ADGRL2: variants seen among roughly 807,000 people sequenced by gnomAD.
ADGRL2 encodes the protein adhesion G protein-coupled receptor L2.
A neutral mutation model predicts 157.4 loss-of-function variants in ADGRL2; 44 were observed. The ratio of observed to expected loss-of-function variants is 0.28; its 90% CI spans 0.22 to 0.36. The LOEUF is 0.36. ADGRL2 is among the 10% of genes least tolerant of loss of function. The pLI is 1.00. For missense variants in ADGRL2, 1,510 were observed against 1,768.9 expected (o/e 0.85, Z 2.63); for synonymous variants, 585 against 624.7 (o/e 0.94, Z 0.95).
intron 2 of ADGRL2, among the ~76,000 whole-genome samples, chr1:81,885,957 A>G (rs1481937828): frequency 1.3e-5 from 2 of 152,184 alleles, no homozygotes; most frequent in Non-Finnish European, 2.9e-5. Context: ...GATAACAGTT[A>G]ACTGAAATTA....
chr1:81,573,154 A>G (rs971073916), intron 2 of ADGRL2, among the ~76,000 whole-genome samples: 3 of 151,834 alleles, frequency 2.0e-5, no homozygotes, highest in Non-Finnish European at 4.4e-5. Context: ...TTCTTTTTTA[A>G]AGAAGCATTT....
At chr1:81,579,904 G>A (rs1307394405) in intron 2 of ADGRL2, among the ~76,000 whole-genome samples, 3 of 151,692 alleles carry the variant, frequency 2.0e-5, no homozygotes, top group Admixed American at 6.6e-5. Context: ...AATACTGTAC[G>A]TAAAATTACC....
chr1:81,952,713 G>A (rs1258173178), intron 9 of ADGRL2, among the ~76,000 whole-genome samples: 1 of 148,686 alleles, frequency 6.7e-6, no homozygotes, highest in Non-Finnish European at 1.5e-5. Flanking sequence ...GCCTAATGTG[G>A]TTCTACCTGG....
At chr1:81,631,799 A>G (rs2082015246) in intron 3 of ADGRL2, among the ~76,000 whole-genome samples, 1 of 151,970 alleles carries the variant, frequency 6.6e-6, no homozygotes, top group South Asian at 2.1e-4. Context: ...CGCCATTCTC[A>G]CTTCCCCCTG....
chr1:81,340,524 A>G (rs1474632516), intron 1 of ADGRL2, among the ~76,000 whole-genome samples: 1 of 152,146 alleles, frequency 6.6e-6, no homozygotes, highest in Non-Finnish European at 1.5e-5. Flanking sequence ...TGCAGTGTCA[A>G]AGGAAATTAC....
intron 11 of ADGRL2, among the ~76,000 whole-genome samples, chr1:81,956,651 A>C (rs1191030681): frequency 3.3e-5 from 5 of 152,326 alleles, no homozygotes; most frequent in Non-Finnish European, 7.4e-5. Context: ...ACTTGTGAAA[A>C]ATATTTGAAA....
intron 3 of ADGRL2, among the ~76,000 whole-genome samples, chr1:81,610,273 G>T (rs2081515912): frequency 7.0e-6 from 1 of 142,544 alleles, no homozygotes; most frequent in Admixed American, 7.6e-5. Flanking sequence ...GAAGGACAGT[G>T]GGACAGCGAT....
chr1:81,723,260 T>G lies in ADGRL2; in HGVS notation c.-143+23452T>G, dbSNP rs180805434. ...TTTACAGTGGTTTGCCATTAGGGTA[T>G]TCATTCAGATAATGTTTTCCTACTA... On this transcript the variant is annotated intron_variant, in intron 1 of 20. Transcript: ENST00000359929. Among the ~76,000 whole-genome samples, 91 of 152,232 alleles carry G rather than the reference T, an allele frequency of 6.0e-4. 1 individual carries two copies. The highest frequency in any genetic ancestry group is 3.0e-3 in the Admixed American group (46 of 15,302).
chr1:81,452,930 C>A (rs2077729061), intron 2 of ADGRL2, among the ~76,000 whole-genome samples: 1 of 152,072 alleles, frequency 6.6e-6, no homozygotes, highest in African/African-American at 2.4e-5. Context: ...CAAGACACGG[C>A]AATATTTTAA....
intron 3 of ADGRL2, among the ~76,000 whole-genome samples, chr1:81,606,887 G>A (rs1407614530): frequency 6.6e-6 from 1 of 152,030 alleles, no homozygotes; most frequent in Non-Finnish European, 1.5e-5. Flanking sequence ...AAAGCACAAA[G>A]TCAACTGTAG....
intron 1 of ADGRL2, among the ~76,000 whole-genome samples, chr1:81,337,334 G>T (rs1461716509): frequency 7.0e-6 from 1 of 143,290 alleles, no homozygotes; most frequent in Non-Finnish European, 1.6e-5. Flanking sequence ...GGGGCTCCAG[G>T]GGTTGTGGGT....
chr1:81,359,615 T>C (rs926582606), intron 1 of ADGRL2, among the ~76,000 whole-genome samples: 4 of 151,968 alleles, frequency 2.6e-5, no homozygotes, highest in Admixed American at 6.6e-5. Flanking sequence ...TATGATTAAG[T>C]TTTTATTTTT....
intron 2 of ADGRL2, among the ~76,000 whole-genome samples, chr1:81,544,602 G>A (rs2079968323): frequency 1.3e-5 from 2 of 151,990 alleles, no homozygotes; most frequent in Non-Finnish European, 2.9e-5. Flanking sequence ...TTGCCAAGTT[G>A]CCTAGTCCTG....
intron 2 of ADGRL2, among the ~76,000 whole-genome samples, chr1:81,568,451 G>A (rs1046648059): frequency 7.2e-5 from 11 of 152,174 alleles, no homozygotes; most frequent in Admixed American, 2.6e-4. Context: ...CTGAATATGC[G>A]TTAAAAAACA....
intron 2 of ADGRL2, among the ~76,000 whole-genome samples, chr1:81,456,225 C>T (rs1450429953): frequency 1.3e-5 from 2 of 151,696 alleles, no homozygotes; most frequent in Non-Finnish European, 2.9e-5. Context: ...TTTCTTTCTT[C>T]CTTTCTCTTT....
At chr1:81,324,292 C>A (rs1042387697) in intron 1 of ADGRL2, among the ~76,000 whole-genome samples, 10 of 151,720 alleles carry the variant, frequency 6.6e-5, no homozygotes, top group Non-Finnish European at 1.3e-4. Context: ...TCACTTGAGC[C>A]CAGGAGTTCA....
At chr1:81,343,091 T>C (rs889336270) in intron 1 of ADGRL2, among the ~76,000 whole-genome samples, 4 of 125,124 alleles carry the variant, frequency 3.2e-5, no homozygotes, top group Admixed American at 8.5e-5. Context: ...TTTTTTCTTT[T>C]CTTTTTTTTT....
chr1:81,740,394 G>A (rs2085035395), intron 1 of ADGRL2, among the ~76,000 whole-genome samples: 2 of 152,128 alleles, frequency 1.3e-5, no homozygotes, highest in Non-Finnish European at 2.9e-5. Flanking sequence ...TGTCTGAAAT[G>A]ACATCTTATG....
At chr1:81,565,080 A>G (rs1368237233) in intron 2 of ADGRL2, among the ~76,000 whole-genome samples, 2 of 152,190 alleles carry the variant, frequency 1.3e-5, no homozygotes, top group Admixed American at 1.3e-4. Flanking sequence ...TATAGTGGCA[A>G]GAAGGTGGGT....
Sources: allele counts gnomAD v4.1 joint callset (sites outside exome capture counted in the v4.1 genomes callset), GRCh38; gene constraint gnomAD v4.1.1; transcripts MANE v1.5; gene names NCBI Gene and HGNC (gene_info 2026-07-23, HGNC 2026-07-21).